The following WDR49 variants were observed in gnomAD, a reference collection of about 807,000 sequenced individuals.
WDR49 encodes the protein cilia- and flagella-associated protein 337.
WDR49 carries 107 observed loss-of-function variants against 119.5 expected under a neutral mutation model. The ratio of observed to expected loss-of-function variants is 0.90; its 90% confidence interval spans 0.77 to 1.05. The LOEUF (loss-of-function observed/expected upper bound fraction) is 1.05, where lower values mean the gene tolerates loss of function less well. WDR49 is among the 50% of genes least tolerant of loss of function. The probability of loss-of-function intolerance (pLI) is 0.00; values close to 1 mark genes in which losing one functional copy is unlikely to be tolerated. For missense variants in WDR49, 1,240 were observed against 1,220.5 expected, an observed-to-expected ratio of 1.02 and a Z score of -0.24; for synonymous variants, 425 against 418.8, an observed-to-expected ratio of 1.01 and a Z score of -0.18.
At chr3:167,512,395 A>G (rs1752011164) in intron 16 of WDR49, among the ~76,000 whole-genome samples, 1 of 152,212 alleles carries the variant, frequency 6.6e-6, no homozygotes, top group Non-Finnish European at 1.5e-5. Flanking sequence ...TACTGTTAAA[A>G]GAAAAACAAA....
intron 2 of WDR49, among the ~76,000 whole-genome samples, chr3:167,652,401 A>C (rs1230761664): frequency 1.3e-5 from 2 of 152,208 alleles, no homozygotes; most frequent in Non-Finnish European, 2.9e-5. Context: ...ATTTCAAATT[A>C]GTATGGATAC....
chr3:167,507,050 AT>A (rs1751796977), intron 16 of WDR49, among the ~76,000 whole-genome samples: 1 of 152,136 alleles, frequency 6.6e-6, no homozygotes, highest in African/African-American at 2.4e-5. Flanking sequence ...CCACAGTTGT[AT>A]GTGCCAAGTT....
chr3:167,488,801 A>G (rs1419739355), intron 18 of WDR49, among the ~76,000 whole-genome samples: 5 of 152,106 alleles, frequency 3.3e-5, no homozygotes, highest in Non-Finnish European at 7.4e-5. Flanking sequence ...CCCACATGAC[A>G]TGACCCCTGA....
chr3:167,480,817 G>A (rs749115512), intron 18 of WDR49, among the ~76,000 whole-genome samples: 9 of 152,170 alleles, frequency 5.9e-5, no homozygotes, highest in Non-Finnish European at 1.2e-4. Context: ...GTGAGTTACA[G>A]GCTCACCATG....
Position 167,626,846 on chromosome 3 carries a change from C to A in WDR49, c.606+6G>T. 4 of 1,246,838 alleles carry A rather than the reference C, an allele frequency of 3.2e-6. No individual in the cohort carries two copies. Among genetic ancestry groups the A allele is most frequent in the Non-Finnish European group, 3.0e-6 (3 of 995,416 alleles). The allele number at this position is 1,246,838 out of a possible 1,614,324, so 77.2% of individuals were successfully genotyped here. A position where few individuals can be genotyped will look rare whatever the true frequency, so the allele number is the denominator to read the frequency against. Reference sequence around the variant, plus strand: ...AGCAGTACATTTTTTTATAAAGAGTCTGTACCTTGTTTACATTTTCCAGAG... The same window carrying A: ...AGCAGTACATTTTTTTATAAAGAGTATGTACCTTGTTTACATTTTCCAGAG... On this transcript the variant is annotated splice_donor_region_variant and intron_variant, in intron 3 of 18. Transcript: ENST00000682715.
In WDR49 at chr3:167,576,194, A is replaced by T. The variant is rs776970576; in HGVS notation, c.1276-43T>A. 2.6e-6 allele frequency: 4 copies of T among 1,561,218 alleles called. No homozygotes were observed. The African/African-American group carries it at 5.4e-5, about 21-fold the overall frequency. On this transcript the variant is annotated intron_variant, in intron 7 of 18. Coordinates refer to ENST00000682715, the MANE Select transcript of WDR49 (RefSeq NM_001366157.1). ...AAATCATTTCAATATGTCAAAGATA[A>T]TTGTAATCTTTTAGCCAATTTTTTT...
At chr3:167,608,637 A>G (rs1426557498) in intron 5 of WDR49, among the ~76,000 whole-genome samples, 1 of 152,220 alleles carries the variant, frequency 6.6e-6, no homozygotes, top group Non-Finnish European at 1.5e-5. Context: ...TTTCCTTAAA[A>G]TCAAATTATC....
intron 16 of WDR49, among the ~76,000 whole-genome samples, chr3:167,513,507 C>A (rs1019661919): frequency 6.6e-6 from 1 of 152,110 alleles, no homozygotes; most frequent in Admixed American, 6.6e-5. Context: ...TACAAAAACA[C>A]CCTGAAGTAC....
At chr3:167,650,962 G>T (rs1718348670) in intron 2 of WDR49, among the ~76,000 whole-genome samples, 1 of 151,478 alleles carries the variant, frequency 6.6e-6, no homozygotes, top group Non-Finnish European at 1.5e-5. Flanking sequence ...TTTAAGCTCA[G>T]GAAATCTGAC....
chr3:167,617,521 G>T (rs1179730173), intron 5 of WDR49, among the ~76,000 whole-genome samples: 1 of 152,136 alleles, frequency 6.6e-6, no homozygotes, highest in Non-Finnish European at 1.5e-5. Flanking sequence ...CTGAGTGAGA[G>T]TCCATCTCAA....
chr3:167,581,445 T>C (rs1714525881), intron 7 of WDR49, among the ~76,000 whole-genome samples: 1 of 152,120 alleles, frequency 6.6e-6, no homozygotes, highest in Non-Finnish European at 1.5e-5. Flanking sequence ...TTGTCTACAA[T>C]GTAGTCAAAT....
chr3:167,617,211 G>GA (rs1225970831), intron 5 of WDR49, among the ~76,000 whole-genome samples: 2 of 152,002 alleles, frequency 1.3e-5, no homozygotes, highest in African/African-American at 4.8e-5. Flanking sequence ...GACGTTTCAG[G>GA]AAAAACGTTG....
intron 11 of WDR49, among the ~76,000 whole-genome samples, chr3:167,535,778 C>T (rs998577305): frequency 4.6e-5 from 7 of 152,084 alleles, no homozygotes; most frequent in African/African-American, 1.7e-4. Context: ...ATCTGCACCA[C>T]ACCCTTATGT....
intron 2 of WDR49, among the ~76,000 whole-genome samples, chr3:167,647,045 A>C (rs983482810): frequency 6.6e-6 from 1 of 152,192 alleles, no homozygotes; most frequent in Non-Finnish European, 1.5e-5. Flanking sequence ...AAAATGTGAC[A>C]AATTGAAACC....
Position 167,639,823 on chromosome 3 carries a change from A to T in WDR49, c.166-12531T>A, listed in dbSNP as rs539797836. Among the ~76,000 whole-genome samples, 4 of 151,824 alleles carry T rather than the reference A, an allele frequency of 2.6e-5. No individual in the cohort carries two copies. The South Asian group carries it at 8.3e-4, about 32-fold the overall frequency. On this transcript the variant is annotated intron_variant, in intron 2 of 18. Transcript: ENST00000682715. The stretch of plus-strand genomic sequence containing the variant: ...TTGTTCTGCCATCCTTTCATCCCAG[A>T]TATCTGGCAAAACACAGCATTGGAA...
intron 8 of WDR49, among the ~76,000 whole-genome samples, chr3:167,566,077 A>G (rs903380989): frequency 1.3e-5 from 2 of 152,160 alleles, no homozygotes; most frequent in African/African-American, 4.8e-5. Context: ...TCTTATTCTA[A>G]AAATCTACTT....
intron 18 of WDR49, among the ~76,000 whole-genome samples, chr3:167,494,180 TAAACTG>T: frequency 6.6e-6 from 1 of 152,176 alleles, no homozygotes; most frequent in South Asian, 2.1e-4. Flanking sequence ...AGATGAAAAA[TAAACTG>T]AGACTGAATA....
chr3:167,652,558 C>T (rs929037626), intron 2 of WDR49, among the ~76,000 whole-genome samples: 2 of 152,140 alleles, frequency 1.3e-5, no homozygotes, highest in African/African-American at 4.8e-5. Context: ...CTAAAAACCA[C>T]TTTGATGTAT....
At chr3:167,620,987 A>G (rs1297163939) in intron 4 of WDR49, among the ~76,000 whole-genome samples, 1 of 152,008 alleles carries the variant, frequency 6.6e-6, no homozygotes, top group Admixed American at 6.6e-5. Context: ...ATTGTATCCA[A>G]TATCTAGGTT....
Sources: allele counts gnomAD v4.1 joint callset (sites outside exome capture counted in the v4.1 genomes callset), GRCh38; gene constraint gnomAD v4.1.1; transcripts MANE v1.5; gene names NCBI Gene and HGNC (gene_info 2026-07-23, HGNC 2026-07-21).